Variants in RCAN2 observed in about 807,000 individuals in gnomAD.
The protein encoded by RCAN2 is calcipressin-2.
In RCAN2, 9 loss-of-function variants were observed where a neutral mutation model predicts 23.6. That is an observed-to-expected ratio of 0.38 (90% CI 0.23 to 0.67). The LOEUF (loss-of-function observed/expected upper bound fraction) is 0.67, where lower values mean the gene tolerates loss of function less well. Among genes scored for constraint, RCAN2 ranks in the 30% least tolerant of loss-of-function variants. RCAN2 has a pLI of 0.51. For missense variants in RCAN2, 273 were observed against 302.3 expected, an observed-to-expected ratio of 0.90 and a Z score of 0.72; for synonymous variants, 109 against 115.7, an observed-to-expected ratio of 0.94 and a Z score of 0.37.
At chr6:46,373,902 A>G (rs1033975497) in intron 2 of RCAN2, among the ~76,000 whole-genome samples, 7 of 152,214 alleles carry the variant, frequency 4.6e-5, no homozygotes, top group African/African-American at 1.7e-4. Context: ...AAGTCTTGAC[A>G]GGAATAATCT....
At chr6:46,399,021 A>G (rs954784356) in intron 2 of RCAN2, among the ~76,000 whole-genome samples, 11 of 152,050 alleles carry the variant, frequency 7.2e-5, no homozygotes, top group African/African-American at 2.7e-4. Context: ...AAAATGTTAA[A>G]TCAACTGGAG....
intron 2 of RCAN2, among the ~76,000 whole-genome samples, chr6:46,358,219 C>T (rs1451696297): frequency 6.6e-6 from 1 of 152,126 alleles, no homozygotes; most frequent in Admixed American, 6.5e-5. Flanking sequence ...ATCCTTTCTC[C>T]TACTTTTGTA....
At chr6:46,490,788 A>C (rs1769118272) in intron 1 of RCAN2, among the ~76,000 whole-genome samples, 1 of 151,976 alleles carries the variant, frequency 6.6e-6, no homozygotes, top group Admixed American at 6.5e-5. Context: ...ACCCTCTCTA[A>C]GCCTCAGTCC....
At chr6:46,348,624 T>C (rs1167456719) in intron 2 of RCAN2, among the ~76,000 whole-genome samples, 1 of 152,316 alleles carries the variant, frequency 6.6e-6, no homozygotes. Context: ...TTGGTGAACT[T>C]TGTGAGTTGG....
intron 2 of RCAN2, among the ~76,000 whole-genome samples, chr6:46,398,422 AATT>A (rs968400799): frequency 1.3e-5 from 2 of 152,038 alleles, no homozygotes; most frequent in Non-Finnish European, 2.9e-5. Context: ...CTTAGTGGCC[AATT>A]ATTATTATTA....
At chr6:46,420,520 GTCA>G (rs1318138841) in intron 2 of RCAN2, among the ~76,000 whole-genome samples, 2 of 150,486 alleles carry the variant, frequency 1.3e-5, no homozygotes, top group Non-Finnish European at 3.0e-5. Context: ...TTTTTATAAT[GTCA>G]TTTCAATGTC....
chr6:46,483,552 A>T (rs1768920152), intron 1 of RCAN2, among the ~76,000 whole-genome samples: 1 of 152,216 alleles, frequency 6.6e-6, no homozygotes, highest in Non-Finnish European at 1.5e-5. Flanking sequence ...CAAGGTCAGA[A>T]GGTCAGCCTT....
intron 4 of RCAN2, among the ~76,000 whole-genome samples, chr6:46,229,712 G>A (rs192446495): frequency 2.6e-5 from 4 of 152,222 alleles, no homozygotes; most frequent in Admixed American, 1.3e-4. Flanking sequence ...TGATGGGTTC[G>A]AACTTCCTCC....
At chr6:46,428,470 T>C (rs550718098) in intron 2 of RCAN2, among the ~76,000 whole-genome samples, 4 of 152,188 alleles carry the variant, frequency 2.6e-5, no homozygotes, top group Non-Finnish European at 5.9e-5. Context: ...CTTTGAACAG[T>C]AAACATAGTT....
chr6:46,302,257 G>C (rs1050961456), intron 2 of RCAN2, among the ~76,000 whole-genome samples: 1 of 152,102 alleles, frequency 6.6e-6, no homozygotes, highest in Admixed American at 6.6e-5. Context: ...GAAAATGGCA[G>C]GGTGAGCTGA....
At chr6:46,451,524 G>A (rs1035714473) in intron 2 of RCAN2, among the ~76,000 whole-genome samples, 14 of 152,118 alleles carry the variant, frequency 9.2e-5, no homozygotes, top group African/African-American at 3.4e-4. Context: ...TTGTGGACCG[G>A]CAGTTGTAAA....
intron 2 of RCAN2, among the ~76,000 whole-genome samples, chr6:46,285,651 C>T (rs910108329): frequency 1.2e-4 from 19 of 152,242 alleles, no homozygotes; most frequent in African/African-American, 4.3e-4. Context: ...CCTACTTTTC[C>T]TTTATTTCTT....
intron 2 of RCAN2, among the ~76,000 whole-genome samples, chr6:46,437,278 A>G (rs1767402313): frequency 6.6e-6 from 1 of 152,212 alleles, no homozygotes; most frequent in African/African-American, 2.4e-5. Context: ...TTTACAGTTT[A>G]GATGCTTATT....
intron 2 of RCAN2, among the ~76,000 whole-genome samples, chr6:46,354,717 T>G (rs1024878047): frequency 6.6e-6 from 1 of 152,226 alleles, no homozygotes; most frequent in Non-Finnish European, 1.5e-5. Context: ...TTTAAGTGCT[T>G]TAAAATCTCA....
intron 1 of RCAN2, among the ~76,000 whole-genome samples, chr6:46,470,237 T>C (rs750003487): frequency 2.6e-5 from 4 of 152,204 alleles, no homozygotes; most frequent in Non-Finnish European, 5.9e-5. Flanking sequence ...TAGAACATTA[T>C]GAGGGGCCCA....
rs1561894035 is a variant in RCAN2, at chr6:46,409,402, T to C, written c.225+47350A>G. Among the ~76,000 whole-genome samples the C allele has an allele frequency of 2.0e-5, 3 of 152,266 alleles. No individual in the cohort carries two copies. In the South Asian group the frequency reaches 6.2e-4, roughly 31 times the overall value. On this transcript the variant is annotated intron_variant, in intron 2 of 4. Transcript: ENST00000371374. ...AACTTTAAATACCACTTAACCCATT[T>C]TGGCAGCAGTTAAATTAATGTTTTC...
chr6:46,469,239 A>G (rs1186544052), intron 1 of RCAN2, among the ~76,000 whole-genome samples: 1 of 152,206 alleles, frequency 6.6e-6, no homozygotes, highest in African/African-American at 2.4e-5. Context: ...ATTGTCAGAG[A>G]GTCACAATTC....
intron 2 of RCAN2, among the ~76,000 whole-genome samples, chr6:46,434,786 A>G (rs2150418910): frequency 6.6e-6 from 1 of 152,278 alleles, no homozygotes. Flanking sequence ...GACATCTGGC[A>G]ATGTCTGGGG....
At position 46,430,967 on chromosome 6, in the gene RCAN2, G is replaced by A. The variant is rs551932264; in HGVS notation, c.225+25785C>T. ...GCCATCAATCAGGAAAATGATCTCT[G>A]GCAGAGAAGAATATGGTTGATGTAA... is the stretch of plus-strand genomic sequence containing the variant. On this transcript the variant is annotated intron_variant, in intron 2 of 4. Transcript: ENST00000371374. Among the ~76,000 whole-genome samples the A allele has an allele frequency of 7.9e-5, 12 of 152,256 alleles. No homozygotes were observed. The South Asian group carries it at 1.5e-3, about 18-fold the overall frequency.
Sources: allele counts gnomAD v4.1 joint callset (sites outside exome capture counted in the v4.1 genomes callset), GRCh38; gene constraint gnomAD v4.1.1; transcripts MANE v1.5; gene names NCBI Gene and HGNC (gene_info 2026-07-23, HGNC 2026-07-21).